Variants in MAP3K20 observed in about 807,000 individuals in gnomAD.
MAP3K20 encodes mitogen-activated protein kinase kinase kinase 20, also known as HCCS-4.
A neutral mutation model predicts 85.7 loss-of-function variants in MAP3K20; 40 were observed. The ratio of observed to expected loss-of-function variants is 0.47; its 90% CI spans 0.36 to 0.61. The LOEUF is 0.61. Among genes scored for constraint, MAP3K20 ranks in the 20% least tolerant of loss-of-function variants. MAP3K20 has a pLI of 0.00. For missense variants in MAP3K20, 817 were observed against 961.7 expected (o/e 0.85, Z 1.99); for synonymous variants, 325 against 327.7 (o/e 0.99, Z 0.09).
intron 16 of MAP3K20, among the ~76,000 whole-genome samples, chr2:173,246,592 C>G (rs1270865486): frequency 2.6e-5 from 4 of 152,196 alleles, no homozygotes; most frequent in African/African-American, 9.7e-5. Flanking sequence ...TCACCAAGAT[C>G]TTTTTGAGAC....
chr2:173,144,132 C>CA (rs989881428), intron 2 of MAP3K20, among the ~76,000 whole-genome samples: 28 of 150,104 alleles, frequency 1.9e-4, no homozygotes, highest in Middle Eastern at 3.4e-3. Context: ...CCTGTCTCTA[C>CA]AAAAAAAATA....
chr2:173,250,108 T>C (rs752180013), intron 16 of MAP3K20, among the ~76,000 whole-genome samples: 6 of 152,232 alleles, frequency 3.9e-5, no homozygotes, highest in Non-Finnish European at 7.3e-5. Flanking sequence ...TCAAGTTTTA[T>C]TTGATTCTTT....
At chr2:173,125,982 A>T (rs2106193696) in intron 2 of MAP3K20, among the ~76,000 whole-genome samples, 1 of 152,188 alleles carries the variant, frequency 6.6e-6, no homozygotes, top group East Asian at 1.9e-4. Context: ...TTTTAATTGT[A>T]TGATATATAC....
intron 4 of MAP3K20, among the ~76,000 whole-genome samples, chr2:173,185,583 C>A (rs1037275376): frequency 6.6e-6 from 1 of 152,100 alleles, no homozygotes; most frequent in African/African-American, 2.4e-5. Flanking sequence ...TTCAGTTTAA[C>A]CTATGATTGA....
At chr2:173,148,504 C>T (rs2106223696) in intron 2 of MAP3K20, among the ~76,000 whole-genome samples, 1 of 152,242 alleles carries the variant, frequency 6.6e-6, no homozygotes, top group Admixed American at 6.5e-5. Context: ...AGAATGGGTC[C>T]TGGTCATGCT....
intron 15 of MAP3K20, 53 bp downstream of exon 15, chr2:173,238,488 C>T (rs1222469436): frequency 1.3e-6 from 2 of 1,484,996 alleles, no homozygotes; most frequent in African/African-American, 1.4e-5. Flanking sequence ...GACACATGCA[C>T]CTGCTGCATC....
Position 173,177,930 on chromosome 2 carries a change from A to G in MAP3K20, c.248-4924A>G, listed in dbSNP as rs376987553. 1.3e-4 allele frequency among the ~76,000 whole-genome samples: 20 copies of G among 152,306 alleles called. No homozygotes were observed. In the East Asian group the frequency reaches 3.9e-3, roughly 29 times the overall value. ...TCAACCTGAAGAAACTACAGAAAGA[A>G]GGACCAATTAAAACCAAAGTGAGTC... On this transcript the variant is annotated intron_variant, in intron 3 of 19. Coordinates refer to ENST00000375213, the MANE Select transcript of MAP3K20 (RefSeq NM_016653.3).
rs536139767 is a variant in MAP3K20 at position 173,229,364 on chromosome 2, A to G, written c.988-325A>G. Among the ~76,000 whole-genome samples, 3 of 152,350 alleles carry G rather than the reference A, an allele frequency of 2.0e-5. No homozygotes were observed. The South Asian group carries it at 6.2e-4, about 32-fold the overall frequency. On this transcript the variant is annotated intron_variant, in intron 11 of 19. Coordinates refer to ENST00000375213, the MANE Select transcript of MAP3K20 (RefSeq NM_016653.3). The stretch of plus-strand genomic sequence containing the variant: ...AGTCCTCATGTTGGCTGAGACTCTG[A>G]GGAAGACTCTAGGTCTCTGAGAAAA...
At chr2:173,108,796 A>G (rs892533954) in intron 2 of MAP3K20, among the ~76,000 whole-genome samples, 2 of 152,232 alleles carry the variant, frequency 1.3e-5, no homozygotes, top group African/African-American at 4.8e-5. Context: ...GTGCATGTGC[A>G]TATGTATTAA....
chr2:173,246,477 T>G (rs1324101242), intron 16 of MAP3K20, among the ~76,000 whole-genome samples: 6 of 152,198 alleles, frequency 3.9e-5, no homozygotes, highest in African/African-American at 1.4e-4. Context: ...ATTAAAATAT[T>G]CGGCTGCCTA....
intron 10 of MAP3K20, chr2:173,212,105 T>C (rs1683916831): frequency 6.6e-6 from 1 of 152,054 alleles, no homozygotes; most frequent in Non-Finnish European, 1.5e-5. Flanking sequence ...TAAAAAGAGA[T>C]TGTGATATTA....
intron 2 of MAP3K20, among the ~76,000 whole-genome samples, chr2:173,102,885 C>G (rs1227673663): frequency 6.6e-6 from 1 of 151,838 alleles, no homozygotes; most frequent in Non-Finnish European, 1.5e-5. Context: ...ACCAGCCTGG[C>G]CAAAACCCTG....
chr2:173,152,358 G>A (rs1689333190), intron 2 of MAP3K20, among the ~76,000 whole-genome samples: 1 of 152,186 alleles, frequency 6.6e-6, no homozygotes, highest in South Asian at 2.1e-4. Context: ...GACTTTTAGT[G>A]ATGATTATAG....
At chr2:173,214,972 G>A (rs574193745) in intron 10 of MAP3K20, among the ~76,000 whole-genome samples, 1 of 152,296 alleles carries the variant, frequency 6.6e-6, no homozygotes, top group South Asian at 2.1e-4. Flanking sequence ...GGAAAGCTGA[G>A]CCTGAGAGAC....
intron 7 of MAP3K20, among the ~76,000 whole-genome samples, chr2:173,193,387 C>T (rs1273440287): frequency 1.3e-5 from 2 of 152,146 alleles, no homozygotes; most frequent in Admixed American, 1.3e-4. Flanking sequence ...AAATTTTTGA[C>T]CTTAAGACAC....
intron 2 of MAP3K20, among the ~76,000 whole-genome samples, chr2:173,152,937 G>A (rs1689350540): frequency 6.6e-6 from 1 of 152,146 alleles, no homozygotes; most frequent in South Asian, 2.1e-4. Context: ...TATGCATTTG[G>A]AAATTTAATC....
At chr2:173,266,010 A>G (rs1476526495) in intron 19 of MAP3K20, 40 bp from the exon 20 acceptor site, 1 of 1,522,876 alleles carries the variant, frequency 6.6e-7, no homozygotes, top group South Asian at 1.2e-5. Flanking sequence ...ATGCAGCTTT[A>G]GTGTGGCTTA....
intron 2 of MAP3K20, among the ~76,000 whole-genome samples, chr2:173,133,868 G>A (rs941601811): frequency 6.6e-5 from 10 of 151,666 alleles, no homozygotes; most frequent in Non-Finnish European, 1.3e-4. Flanking sequence ...GTGGGCACCT[G>A]TAGTCCCAGC....
rs149555729 is a variant in MAP3K20, at chr2:173,155,903, G to GT, written c.160-13900dup. On this transcript the variant is annotated intron_variant, in intron 2 of 19. Coordinates refer to ENST00000375213, the MANE Select transcript of MAP3K20 (RefSeq NM_016653.3). ...TCATCTTCCTTAGGATTCCTGTATT[G>GT]TTAGATGTGCCACTATACCCAGCTT... Among the ~76,000 whole-genome samples, 355 of 152,262 alleles carry GT rather than the reference G, an allele frequency of 2.3e-3. 1 individual carries two copies. The highest frequency in any genetic ancestry group is 8.0e-3 in the African/African-American group (332 of 41,548).
Sources: allele counts gnomAD v4.1 joint callset (sites outside exome capture counted in the v4.1 genomes callset), GRCh38; gene constraint gnomAD v4.1.1; transcripts MANE v1.5; gene names NCBI Gene and HGNC (gene_info 2026-07-23, HGNC 2026-07-21).